The following HTR1F variants were observed in gnomAD, a reference collection of about 807,000 sequenced individuals.
HTR1F encodes 5-hydroxytryptamine receptor 1F.
In HTR1F, 17 loss-of-function variants were observed where a neutral mutation model predicts 24.0. That is an observed-to-expected ratio of 0.71 (90% CI 0.48 to 1.06). The LOEUF is 1.06. Among genes scored for constraint, HTR1F ranks in the 50% least tolerant of loss-of-function variants. The probability of loss-of-function intolerance (pLI) is 0.00; values close to 1 mark genes in which losing one functional copy is unlikely to be tolerated. For synonymous variants in HTR1F, 186 were observed against 156.8 expected (o/e 1.19, Z -1.39); for missense variants, 391 against 427.8 (o/e 0.91, Z 0.76).
chr3:87,817,362 C>T (rs918127105), intron 1 of HTR1F, among the ~76,000 whole-genome samples: 8 of 152,070 alleles, frequency 5.3e-5, no homozygotes, highest in East Asian at 1.9e-4. Context: ...TATCATTATA[C>T]AAAAACAGTC....
At chr3:87,941,823 C>A (rs757760826) in intron 2 of HTR1F, among the ~76,000 whole-genome samples, 1 of 152,152 alleles carries the variant, frequency 6.6e-6, no homozygotes, top group African/African-American at 2.4e-5. Flanking sequence ...TATAGAGGGA[C>A]AATGGCCTCA....
intron 2 of HTR1F, among the ~76,000 whole-genome samples, chr3:87,827,126 T>TC (rs1704481099): frequency 2.0e-5 from 3 of 149,952 alleles, no homozygotes; most frequent in African/African-American, 7.3e-5. Context: ...TTTCTTTCTT[T>TC]TTTTTTTTTT....
intron 2 of HTR1F, among the ~76,000 whole-genome samples, chr3:87,937,504 A>G (rs1384261578): frequency 6.6e-6 from 1 of 152,186 alleles, no homozygotes; most frequent in Non-Finnish European, 1.5e-5. Context: ...CCCACAGCCA[A>G]CATCATACCA....
At chr3:87,949,830 C>A (rs1385186576) in intron 2 of HTR1F, among the ~76,000 whole-genome samples, 1 of 152,204 alleles carries the variant, frequency 6.6e-6, no homozygotes, top group African/African-American at 2.4e-5. Flanking sequence ...AGTGTCACCT[C>A]ACCGTTCCCA....
chr3:87,908,579 T>A (rs1703713092), intron 2 of HTR1F, among the ~76,000 whole-genome samples: 1 of 152,080 alleles, frequency 6.6e-6, no homozygotes, highest in Non-Finnish European at 1.5e-5. Flanking sequence ...GTATTTTGAA[T>A]AAAATTCTAC....
intron 1 of HTR1F, among the ~76,000 whole-genome samples, chr3:87,815,816 C>A (rs1247864632): frequency 6.6e-6 from 1 of 152,042 alleles, no homozygotes; most frequent in African/African-American, 2.4e-5. Flanking sequence ...AGTAGCATTC[C>A]TTCTAAAAAC....
At chr3:87,944,287 A>G (rs1438966767) in intron 2 of HTR1F, among the ~76,000 whole-genome samples, 1 of 152,184 alleles carries the variant, frequency 6.6e-6, no homozygotes, top group East Asian at 1.9e-4. Flanking sequence ...TTCTTATGCA[A>G]ATTCATTTCA....
At chr3:87,915,960 G>T (rs971359151) in intron 2 of HTR1F, among the ~76,000 whole-genome samples, 1 of 152,062 alleles carries the variant, frequency 6.6e-6, no homozygotes, top group Non-Finnish European at 1.5e-5. Context: ...TGAGACAAAA[G>T]CATCAGGTAA....
intron 2 of HTR1F, among the ~76,000 whole-genome samples, chr3:87,919,352 T>TA (rs1282873456): frequency 2.6e-5 from 4 of 151,634 alleles, no homozygotes; most frequent in African/African-American, 9.7e-5. Flanking sequence ...GCAAATGCAA[T>TA]AACAACAAAG....
intron 2 of HTR1F, among the ~76,000 whole-genome samples, chr3:87,911,750 G>A (rs551835877): frequency 6.6e-6 from 1 of 152,166 alleles, no homozygotes; most frequent in Admixed American, 6.5e-5. Flanking sequence ...AGGAATGCAA[G>A]ATTTGTTCAA....
chr3:87,810,486 C>A (rs1704142197), intron 1 of HTR1F, among the ~76,000 whole-genome samples: 1 of 152,130 alleles, frequency 6.6e-6, no homozygotes, highest in Admixed American at 6.6e-5. Context: ...TCTTTTGATG[C>A]CTTTCTTTGA....
intron 2 of HTR1F, among the ~76,000 whole-genome samples, chr3:87,983,393 C>T (rs1299033020): frequency 6.6e-6 from 1 of 152,192 alleles, no homozygotes; most frequent in Admixed American, 6.5e-5. Context: ...TTCACTGATA[C>T]AGAAGAGTTA....
At chr3:87,934,354 C>G (rs567439553) in intron 2 of HTR1F, among the ~76,000 whole-genome samples, 1 of 152,324 alleles carries the variant, frequency 6.6e-6, no homozygotes, top group African/African-American at 2.4e-5. Flanking sequence ...TACCCACCCT[C>G]TGTCCCCATT....
chr3:87,879,350 T>C (rs1307561446), intron 2 of HTR1F, among the ~76,000 whole-genome samples: 5 of 152,220 alleles, frequency 3.3e-5, no homozygotes, highest in African/African-American at 4.8e-5. Context: ...TAAGTCTTAG[T>C]ACTGATGTAT....
chr3:87,871,571 A>G (rs1705558032), intron 2 of HTR1F, among the ~76,000 whole-genome samples: 1 of 152,096 alleles, frequency 6.6e-6, no homozygotes, highest in Admixed American at 6.6e-5. Context: ...AATGGTTCAA[A>G]CTAGGGTGAA....
chr3:87,942,791 A>G (rs1292062706), intron 2 of HTR1F, among the ~76,000 whole-genome samples: 1 of 148,596 alleles, frequency 6.7e-6, no homozygotes, highest in Non-Finnish European at 1.5e-5. Flanking sequence ...CCTGATCTCT[A>G]TTATAAAAAA....
rs1167637748 is a variant in HTR1F, at chr3:87,822,122, A to AT, written c.-44dup. 3.3e-5 allele frequency among the ~76,000 whole-genome samples: 5 copies of AT among 152,344 alleles called. No individual in the cohort carries two copies. The South Asian group carries it at 1.0e-3, about 32-fold the overall frequency. On this transcript the variant is annotated splice_region_variant and 5_prime_UTR_variant, in exon 2 of 3. It removes an upstream start codon present in the reference 5' UTR. Transcript: ENST00000319595. ...AACCCACAATTCAATCTACCACAGT[A>AT]TGGTAAGCATTCCCAGCTTTAAACC...
intron 2 of HTR1F, among the ~76,000 whole-genome samples, chr3:87,958,125 A>G (rs1704983307): frequency 6.6e-6 from 1 of 151,546 alleles, no homozygotes; most frequent in African/African-American, 2.4e-5. Flanking sequence ...GTAATTTTTT[A>G]TTGGAGTCAT....
chr3:87,837,691 A>C (rs1575926597), intron 2 of HTR1F, among the ~76,000 whole-genome samples: 1 of 152,056 alleles, frequency 6.6e-6, no homozygotes, highest in Non-Finnish European at 1.5e-5. Flanking sequence ...TTATTATTAA[A>C]CATATATTAT....
Sources: gnomAD v4.1 joint callset for allele counts (sites outside exome capture counted in the v4.1 genomes callset) on GRCh38, gnomAD v4.1.1 for gene constraint, MANE v1.5 for transcripts, NCBI Gene and HGNC (gene_info 2026-07-23, HGNC 2026-07-21) for gene names.